Variants in ZNF239 observed in about 807,000 individuals in gnomAD.
ZNF239 encodes zinc finger protein (C2H2) homologous to mouse MOK-2.
Under a neutral mutation model 27.5 loss-of-function variants are expected in ZNF239, and 16 were observed. The observed-to-expected ratio is 0.58, with a 90% confidence interval of 0.39 to 0.88. The LOEUF (loss-of-function observed/expected upper bound fraction) is 0.88. ZNF239 is among the 40% of genes least tolerant of loss of function. The pLI, the probability that ZNF239 is intolerant of heterozygous loss-of-function variation, is 0.00. For synonymous variants in ZNF239, 199 were observed against 192.6 expected (o/e 1.03, Z -0.27); for missense variants, 527 against 551.9 (o/e 0.95, Z 0.45).
At chr10:43,561,362 C>CAAACAAAG (rs1554809469) in intron 3 of ZNF239, among the ~76,000 whole-genome samples, 13 of 151,934 alleles carry the variant, frequency 8.6e-5, no homozygotes, top group Non-Finnish European at 1.5e-4. Context: ...AACAAACAAA[C>CAAACAAAG]AAAGAAACAG....
In ZNF239 at chr10:43,556,810, C is replaced by G; in HGVS notation, c.1270G>C (p.Val424Leu). 1 of 1,613,792 alleles carries G rather than the reference C, an allele frequency of 6.2e-7. No homozygotes were observed. Among genetic ancestry groups the G allele is most frequent in the Non-Finnish European group, 8.5e-7 (1 of 1,179,952 alleles). Reference protein sequence around the residue: ...QSSKLLIHQRVHTGEKPYECS... With the variant: ...QSSKLLIHQRLHTGEKPYECS... ...TCATAGGGCTTCTCTCCAGTATGTA[C>G]TCTCTGGTGGATGAGGAGTTTGGAA... Residue 424 changes from valine to leucine, a missense_variant, in exon 4 of 4, where the codon GTA (valine) becomes CTA (leucine). Val to Leu is a conservative substitution (Grantham distance 32). Coordinates refer to ENST00000374446, the MANE Select transcript of ZNF239 (RefSeq NM_001099282.2).
intron 2 of ZNF239, chr10:43,570,774 T>C: frequency 1.1e-6 from 1 of 919,182 alleles, no homozygotes; most frequent in Non-Finnish European, 1.3e-6. Context: ...CAATTCTTTG[T>C]AGTACAATTT....
At chr10:43,558,366 A>G (rs955738930) in intron 3 of ZNF239, among the ~76,000 whole-genome samples, 195 bp from the exon 4 acceptor site, 1 of 152,242 alleles carries the variant, frequency 6.6e-6, no homozygotes, top group Non-Finnish European at 1.5e-5. Flanking sequence ...TTTTAAGCAT[A>G]GCCAAGGAAA....
At chr10:43,559,701 C>T (rs898522396) in intron 3 of ZNF239, among the ~76,000 whole-genome samples, 4 of 151,994 alleles carry the variant, frequency 2.6e-5, no homozygotes, top group African/African-American at 7.3e-5. Flanking sequence ...AAACCCTCCC[C>T]GAGACTTAAA....
At position 43,557,613 on chromosome 10, in the gene ZNF239, T is replaced by C. The variant is rs765708999; in HGVS notation, c.467A>G (p.Asp156Gly). The C allele has an allele frequency of 2.4e-5, 38 of 1,614,208 alleles. No homozygotes were observed. In the African/African-American group the frequency reaches 4.4e-4, roughly 19 times the overall value. Reference protein sequence around the residue: ...SLDPIDCNCKDIHGWKSQVVS... With the variant: ...SLDPIDCNCKGIHGWKSQVVS... ...CACCTGTGATTTCCATCCATGAATGTCTTTGCAGTTACAGTCAATGGGATC... is the reference window on the plus strand; with the variant it reads ...CACCTGTGATTTCCATCCATGAATGCCTTTGCAGTTACAGTCAATGGGATC... Residue 156 changes from aspartate to glycine, a missense_variant, in exon 4 of 4, where the codon GAC becomes GGC. Coordinates refer to ENST00000374446, the MANE Select transcript of ZNF239 (RefSeq NM_001099282.2).
chr10:43,573,110 A>C (rs9326506), intron 2 of ZNF239, among the ~76,000 whole-genome samples: 67,689 of 152,018 alleles, frequency 0.45, 16,424 homozygotes, highest in South Asian at 0.55. Flanking sequence ...GTTGAAAAGC[A>C]TTTCTAGAGT....
At chr10:43,571,020 G>A (rs1316865279) in intron 2 of ZNF239, 2 of 985,008 alleles carry the variant, frequency 2.0e-6, no homozygotes, top group African/African-American at 3.5e-5. Context: ...AGACAAAGGT[G>A]GGACTGAAAC....
In ZNF239 at chr10:43,557,606, A is replaced by T. The variant is rs1836875226; in HGVS notation, c.474T>A (p.His158Gln). The T allele has an allele frequency of 1.4e-5, 22 of 1,614,064 alleles. No homozygotes were observed. Among genetic ancestry groups the T allele is most frequent in the Non-Finnish European group, 1.7e-5 (20 of 1,180,044 alleles). Residue 158 changes from histidine (H) to glutamine (Q), a missense_variant, in exon 4 of 4, where the codon CAT becomes CAA. His to Gln is a conservative substitution (Grantham distance 24). Coordinates refer to ENST00000374446, the MANE Select transcript of ZNF239 (RefSeq NM_001099282.2). The part of the protein sequence containing the change: ...DPIDCNCKDI[H>Q]GWKSQVVSCS... ...AACTGACCACCTGTGATTTCCATCCATGAATGTCTTTGCAGTTACAGTCAA... is the reference window on the plus strand; with the variant it reads ...AACTGACCACCTGTGATTTCCATCCTTGAATGTCTTTGCAGTTACAGTCAA...
intron 3 of ZNF239, among the ~76,000 whole-genome samples, chr10:43,563,050 C>T (rs1837377348): frequency 6.6e-6 from 1 of 152,112 alleles, no homozygotes; most frequent in Non-Finnish European, 1.5e-5. Context: ...CACGGTGGCT[C>T]ATGCCTGTAA....
At chr10:43,564,638 T>C (rs1439767981) in intron 3 of ZNF239, among the ~76,000 whole-genome samples, 2 of 152,102 alleles carry the variant, frequency 1.3e-5, no homozygotes, top group Admixed American at 6.5e-5. Context: ...TAGGTGATCC[T>C]CCCACCTCAG....
chr10:43,556,938 C>G lies in ZNF239; in HGVS notation c.1142G>C (p.Gly381Ala). ...GEKPYQCYEC[G>A]KGFSQSSDLR... is the part of the protein sequence containing the mutation. The stretch of plus-strand genomic sequence containing the variant: ...ATCCGAGCTCTGGCTGAAACCCTTC[C>G]CACACTCATAGCATTGGTAAGGCTT... Residue 381 changes from glycine (G) to alanine (A), a missense_variant, in exon 4 of 4, where the codon GGG (glycine) becomes GCG (alanine). Coordinates refer to ENST00000374446, the MANE Select transcript of ZNF239 (RefSeq NM_001099282.2). 1 of 1,613,758 alleles carries G rather than the reference C, an allele frequency of 6.2e-7. No homozygotes were observed. Among genetic ancestry groups the G allele is most frequent in the Non-Finnish European group, 8.5e-7 (1 of 1,179,930 alleles).
intron 3 of ZNF239, among the ~76,000 whole-genome samples, chr10:43,560,157 C>A (rs1837119277): frequency 6.6e-6 from 1 of 152,220 alleles, no homozygotes; most frequent in South Asian, 2.1e-4. Flanking sequence ...GGATGGCTAG[C>A]AGCAGTGCCC....
chr10:43,563,976 C>T (rs538359816), intron 3 of ZNF239, among the ~76,000 whole-genome samples: 1 of 152,074 alleles, frequency 6.6e-6, no homozygotes, highest in Admixed American at 6.6e-5. Flanking sequence ...TGTCATAAAT[C>T]TACTTTTTAC....
intron 3 of ZNF239, among the ~76,000 whole-genome samples, chr10:43,558,789 C>G (rs1463891432): frequency 6.6e-6 from 1 of 152,144 alleles, no homozygotes; most frequent in East Asian, 1.9e-4. Flanking sequence ...TGGTATTCTG[C>G]TTTCATAGGT....
At chr10:43,561,208 C>G (rs1474177877) in intron 3 of ZNF239, among the ~76,000 whole-genome samples, 1 of 151,966 alleles carries the variant, frequency 6.6e-6, no homozygotes, top group Non-Finnish European at 1.5e-5. Context: ...AGAAAATGAT[C>G]AAAGAAATAA....
At chr10:43,563,310 C>A (rs561103423) in intron 3 of ZNF239, among the ~76,000 whole-genome samples, 1 of 151,152 alleles carries the variant, frequency 6.6e-6, no homozygotes, top group African/African-American at 2.4e-5. Flanking sequence ...AGTGAGCCTT[C>A]GTCTAAAAGA....
At chr10:43,565,320 G>A (rs909091884) in intron 3 of ZNF239, among the ~76,000 whole-genome samples, 1 of 152,076 alleles carries the variant, frequency 6.6e-6, no homozygotes, top group Non-Finnish European at 1.5e-5. Flanking sequence ...CTGACCTCAG[G>A]TGATCCGCCC....
At chr10:43,569,837 G>T (rs1837921064) in intron 2 of ZNF239, among the ~76,000 whole-genome samples, 1 of 152,120 alleles carries the variant, frequency 6.6e-6, no homozygotes, top group African/African-American at 2.4e-5. Flanking sequence ...GCAGGGCCTG[G>T]CACATAAAGG....
intron 3 of ZNF239, chr10:43,564,261 C>T (rs148629615): frequency 1.0e-6 from 1 of 982,798 alleles, no homozygotes; most frequent in African/African-American, 1.7e-5. Flanking sequence ...AGCGGTGTTC[C>T]ATTCTTCACA....
Sources: gnomAD v4.1 joint callset for allele counts (sites outside exome capture counted in the v4.1 genomes callset) on GRCh38, gnomAD v4.1.1 for gene constraint, MANE v1.5 for transcripts, NCBI Gene and HGNC (gene_info 2026-07-23, HGNC 2026-07-21) for gene names.